The following GALNT13 variants were observed in gnomAD, a reference collection of about 807,000 sequenced individuals.
The protein encoded by GALNT13 is polypeptide N-acetylgalactosaminyltransferase 13, also known as UDP-GalNAc:polypeptide N-acetylgalactosaminyltransferase 13.
Under a neutral mutation model 64.2 loss-of-function variants are expected in GALNT13, and 28 were observed. The observed-to-expected ratio is 0.44, with a 90% confidence interval of 0.32 to 0.60. The LOEUF is 0.60. Among genes scored for constraint, GALNT13 ranks in the 20% least tolerant of loss-of-function variants. GALNT13 has a pLI of 0.05. For missense variants in GALNT13, 577 were observed against 669.8 expected (o/e 0.86, Z 1.53); for synonymous variants, 214 against 224.6 (o/e 0.95, Z 0.42).
intron 4 of GALNT13, among the ~76,000 whole-genome samples, chr2:154,177,144 C>T (rs1286298046): frequency 6.6e-6 from 1 of 152,010 alleles, no homozygotes; most frequent in African/African-American, 2.4e-5. Flanking sequence ...ATTCAGAATT[C>T]TAATCTCAAG....
chr2:154,040,623 G>A (rs1352296613), intron 3 of GALNT13, among the ~76,000 whole-genome samples: 1 of 139,946 alleles, frequency 7.1e-6, no homozygotes. Context: ...TTTGAGTGTT[G>A]TCCTTACACA....
the GALNT13 span, among the ~76,000 whole-genome samples, chr2:153,629,409 A>G: frequency 6.6e-6 from 1 of 151,894 alleles, no homozygotes. Context: ...AGGATTCCCT[A>G]TTTAATAAAT....
At chr2:154,275,903 A>G (rs1404237849) in intron 8 of GALNT13, among the ~76,000 whole-genome samples, 2 of 152,200 alleles carry the variant, frequency 1.3e-5, no homozygotes, top group Non-Finnish European at 2.9e-5. Flanking sequence ...CATCTCTTGT[A>G]TCAGTGTGAC....
At chr2:153,499,167 T>C in the GALNT13 span, among the ~76,000 whole-genome samples, 3 of 152,118 alleles carry the variant, frequency 2.0e-5, no homozygotes, top group Non-Finnish European at 2.9e-5. Context: ...TGGGTTCTTA[T>C]CTTGCTTTCA....
the GALNT13 span, among the ~76,000 whole-genome samples, chr2:153,614,777 T>C: frequency 6.6e-6 from 1 of 152,102 alleles, no homozygotes; most frequent in Non-Finnish European, 1.5e-5. Flanking sequence ...GATATATATT[T>C]ATGGGGTACA....
the GALNT13 span, among the ~76,000 whole-genome samples, chr2:153,786,127 G>T: frequency 2.9e-3 from 448 of 152,134 alleles, 4 homozygotes; most frequent in African/African-American, 0.01. Context: ...GCCTGATATG[G>T]GACTCCATCA....
intron 3 of GALNT13, among the ~76,000 whole-genome samples, chr2:153,997,717 A>G (rs531867824): frequency 2.6e-5 from 4 of 152,122 alleles, no homozygotes; most frequent in Non-Finnish European, 4.4e-5. Flanking sequence ...ATAGGTATAC[A>G]TGTACCATGG....
rs1177808239 is a variant in GALNT13 at position 153,963,744 on chromosome 2, T to C, written c.142+19105T>C. Reference sequence around the variant, plus strand: ...CTCTCTCTCTCTCTGTGTGTGTGTGTGTGTGTGTGTGTGTGTGTGTGTGTG... The same window carrying C: ...CTCTCTCTCTCTCTGTGTGTGTGTGCGTGTGTGTGTGTGTGTGTGTGTGTG... On this transcript the variant is annotated intron_variant, in intron 3 of 12. Transcript: ENST00000392825. Among the ~76,000 whole-genome samples the C allele has an allele frequency of 2.4e-5, 3 of 124,146 alleles. No individual in the cohort carries two copies. In the East Asian group the frequency reaches 6.9e-4, roughly 29 times the overall value. 81.4% of individuals were successfully genotyped at this position (124,146 alleles called of 152,430 possible). A position where few individuals can be genotyped will look rare whatever the true frequency, so the allele number is the denominator to read the frequency against.
At chr2:153,758,101 AG>A in the GALNT13 span, among the ~76,000 whole-genome samples, 2 of 152,058 alleles carry the variant, frequency 1.3e-5, no homozygotes, top group Non-Finnish European at 2.9e-5. Context: ...CTCTTTTAGT[AG>A]TTTTACAGTT....
chr2:154,147,338 A>G (rs1249883064), intron 4 of GALNT13, among the ~76,000 whole-genome samples: 1 of 149,918 alleles, frequency 6.7e-6, no homozygotes, highest in East Asian at 1.9e-4. Context: ...TGAATGGAAT[A>G]TATATATTTG....
the GALNT13 span, among the ~76,000 whole-genome samples, chr2:153,356,848 A>G: frequency 2.4e-5 from 3 of 122,784 alleles, no homozygotes; most frequent in African/African-American, 6.4e-5. Flanking sequence ...CCCAGGCTGG[A>G]GTGCAGTGGT....
At chr2:154,402,155 A>T (rs765196351) in intron 10 of GALNT13, among the ~76,000 whole-genome samples, 8 of 152,226 alleles carry the variant, frequency 5.3e-5, no homozygotes, top group Non-Finnish European at 1.0e-4. Context: ...TGGGATAATT[A>T]AAGTAAAATA....
At chr2:153,308,329 AT>A in the GALNT13 span, among the ~76,000 whole-genome samples, 1 of 152,112 alleles carries the variant, frequency 6.6e-6, no homozygotes, top group Non-Finnish European at 1.5e-5. Context: ...ATTTGACTTA[AT>A]TTATGGCCCT....
the GALNT13 span, among the ~76,000 whole-genome samples, chr2:153,528,742 T>C: frequency 1.3e-5 from 2 of 151,892 alleles, no homozygotes; most frequent in Non-Finnish European, 2.9e-5. Flanking sequence ...CAGCACAGAA[T>C]AAAACTAGAA....
the GALNT13 span, among the ~76,000 whole-genome samples, chr2:153,593,757 A>G: frequency 1.3e-5 from 2 of 152,132 alleles, no homozygotes; most frequent in African/African-American, 4.8e-5. Context: ...TCAATGTTCC[A>G]CACCAAATGT....
the GALNT13 span, among the ~76,000 whole-genome samples, chr2:153,791,778 A>G: frequency 6.6e-6 from 1 of 152,184 alleles, no homozygotes; most frequent in Admixed American, 6.5e-5. Context: ...CTGCAGGAAC[A>G]TGGATGGAGT....
intron 9 of GALNT13, among the ~76,000 whole-genome samples, chr2:154,354,740 A>G (rs1234726085): frequency 5.3e-5 from 8 of 151,360 alleles, no homozygotes; most frequent in Non-Finnish European, 8.8e-5. Context: ...AAATGTTTGG[A>G]TTTATTTCTA....
chr2:153,862,009 A>G, the GALNT13 span, among the ~76,000 whole-genome samples: 1 of 152,114 alleles, frequency 6.6e-6, no homozygotes, highest in African/African-American at 2.4e-5. Context: ...TTTACTTTTA[A>G]CCACTCTAAT....
the GALNT13 span, among the ~76,000 whole-genome samples, chr2:153,146,255 G>A: frequency 1.3e-5 from 2 of 151,220 alleles, no homozygotes; most frequent in Non-Finnish European, 3.0e-5. Flanking sequence ...ACCCAAGCCT[G>A]TAGGTGATTT....
Sources: allele counts gnomAD v4.1 joint callset (sites outside exome capture counted in the v4.1 genomes callset), GRCh38; gene constraint gnomAD v4.1.1; transcripts MANE v1.5; gene names NCBI Gene and HGNC (gene_info 2026-07-23, HGNC 2026-07-21).